The following FBXO40 variants were observed in gnomAD, a reference collection of about 807,000 sequenced individuals.
The protein encoded by FBXO40 is F-box protein 40.
FBXO40 carries 50 observed loss-of-function variants against 49.9 expected under a neutral mutation model. The ratio of observed to expected loss-of-function variants is 1.00; its 90% CI spans 0.80 to 1.27. FBXO40 has a LOEUF of 1.27. Among genes scored for constraint, FBXO40 ranks in the 50% most tolerant of loss-of-function variants. FBXO40 has a pLI of 0.00. For synonymous variants in FBXO40, 340 were observed against 320.2 expected (o/e 1.06, Z -0.66); for missense variants, 895 against 870.1 (o/e 1.03, Z -0.36).
intron 1 of FBXO40, among the ~76,000 whole-genome samples, chr3:121,608,990 TA>T: frequency 6.6e-6 from 1 of 152,326 alleles, no homozygotes; most frequent in Middle Eastern, 3.4e-3. Flanking sequence ...CAAAGCGTTT[TA>T]AATCTGTCCT....
intron 2 of FBXO40, 66 bp from the exon 3 acceptor site, chr3:121,621,367 T>C: frequency 7.1e-7 from 1 of 1,399,290 alleles, no homozygotes; most frequent in Non-Finnish European, 9.9e-7. Flanking sequence ...AACACAGTCA[T>C]AGACATGCAT....
At chr3:121,597,658 CCTTTT>C (rs2048879133) in intron 1 of FBXO40, among the ~76,000 whole-genome samples, 1 of 127,820 alleles carries the variant, frequency 7.8e-6, no homozygotes, top group Non-Finnish European at 1.6e-5. Context: ...TTATAGGCCC[CCTTTT>C]TTTTTTTTTT....
chr3:121,614,618 T>C (rs80042176), intron 1 of FBXO40, among the ~76,000 whole-genome samples: 2,745 of 152,192 alleles, frequency 0.018, 72 homozygotes, highest in African/African-American at 0.055. Flanking sequence ...AAACATCTCA[T>C]AGGGCCAAAT....
At chr3:121,610,146 G>A (rs928187548) in intron 1 of FBXO40, among the ~76,000 whole-genome samples, 11 of 152,180 alleles carry the variant, frequency 7.2e-5, no homozygotes, top group Admixed American at 3.3e-4. Flanking sequence ...ACAGTGGCTC[G>A]GAGGCCCAGA....
rs367601794 is a variant in FBXO40 at position 121,620,541 on chromosome 3, C to T, written c.-30-5C>T. 3.3e-5 allele frequency: 54 copies of T among 1,613,660 alleles called. No individual in the cohort carries two copies. Among genetic ancestry groups the T allele is most frequent in the Admixed American group, 3.0e-4 (18 of 60,012 alleles). On this transcript the variant is annotated splice_polypyrimidine_tract_variant and splice_region_variant and intron_variant, in intron 1 of 3. Coordinates refer to ENST00000338040, the MANE Select transcript of FBXO40 (RefSeq NM_016298.4). Reference sequence around the variant, plus strand: ...CTAATTATTTATATTCATATTTTCCCGTAGAGCTAAGAAGCAAGAAGAAAT... The same window carrying T: ...CTAATTATTTATATTCATATTTTCCTGTAGAGCTAAGAAGCAAGAAGAAAT...
chr3:121,599,726 T>A (rs28637027), intron 1 of FBXO40, among the ~76,000 whole-genome samples: 2,193 of 24,368 alleles, frequency 0.09, 60 homozygotes, highest in African/African-American at 0.17. Context: ...ATATATATAT[T>A]TTTTTTTTTT....
chr3:121,617,750 A>C (rs1029705200), intron 1 of FBXO40, among the ~76,000 whole-genome samples: 2 of 152,200 alleles, frequency 1.3e-5, no homozygotes, highest in African/African-American at 2.4e-5. Context: ...CTGTAATCTC[A>C]GCACTTTTGG....
intron 1 of FBXO40, among the ~76,000 whole-genome samples, chr3:121,599,680 A>G (rs1241131765): frequency 1.0e-4 from 7 of 67,498 alleles, no homozygotes; most frequent in African/African-American, 3.1e-4. Context: ...ACATGCACAC[A>G]CACACACACA....
At position 121,621,921 on chromosome 3, in the gene FBXO40, C is replaced by T. The variant is rs759230547; in HGVS notation, c.492C>T (p.Thr164=). 1 of 1,614,028 alleles carries T rather than the reference C, an allele frequency of 6.2e-7. No individual in the cohort carries two copies. The highest frequency in any genetic ancestry group is 1.7e-5 in the Admixed American group (1 of 60,002). Residue 164 remains threonine (T), a synonymous_variant, in exon 3 of 4, where the codon ACC becomes ACT. Transcript: ENST00000338040. ...TEEEPTMNGE[T]SVEEMGGAVG... is the part of the protein sequence containing the mutation. ...AGGAACCAACTATGAATGGTGAAAC[C>T]AGTGTGGAGGAAATGGGAGGAGCAG...
At chr3:121,598,499 A>G (rs2048884475) in intron 1 of FBXO40, among the ~76,000 whole-genome samples, 1 of 152,202 alleles carries the variant, frequency 6.6e-6, no homozygotes, top group Non-Finnish European at 1.5e-5. Flanking sequence ...TACTACAAAG[A>G]TTCATACAGA....
Position 121,622,212 on chromosome 3 carries a change from G to C in FBXO40, c.783G>C (p.Glu261Asp), listed in dbSNP as rs768432931. The C allele has an allele frequency of 2.5e-6, 4 of 1,613,990 alleles. No homozygotes were observed. The Admixed American group carries it at 5.0e-5, about 20-fold the overall frequency. Residue 261 changes from glutamate to aspartate, a missense_variant, in exon 3 of 4, where the codon GAG becomes GAC. By Grantham distance (45) the Glu-to-Asp change is conservative. Transcript: ENST00000338040. Reference protein sequence around the residue: ...ISSGHNMVEGEGAPKKKEPQE... With the variant: ...ISSGHNMVEGDGAPKKKEPQE... ...GTGGCCATAACATGGTAGAAGGAGA[G>C]GGCGCTCCCAAAAAGAAAGAACCAC...
chr3:121,599,705 C>CACACACAT (rs1214125029), intron 1 of FBXO40, among the ~76,000 whole-genome samples: 1 of 59,530 alleles, frequency 1.7e-5, no homozygotes, highest in African/African-American at 6.1e-5. Context: ...CACACACACA[C>CACACACAT]ATATATATAT....
intron 2 of FBXO40, 133 bp downstream of exon 2, chr3:121,620,711 A>G (rs982746095): frequency 8.2e-6 from 9 of 1,097,764 alleles, no homozygotes; most frequent in Middle Eastern, 4.0e-4. Context: ...TCCAAACTAG[A>G]GATGCTGAAC....
In FBXO40 at chr3:121,622,829, G is replaced by A. The variant is rs774979444; in HGVS notation, c.1400G>A (p.Arg467Lys). 4 of 1,614,204 alleles carry A rather than the reference G, an allele frequency of 2.5e-6. No homozygotes were observed. The highest frequency in any genetic ancestry group is 1.3e-5 in the African/African-American group (1 of 75,054). ...VELHSECVTR[R>K]HNKSSSAFTF... ...CTCCACAGCGAGTGTGTGACCAGGAGACACAACAAAAGCAGCTCTGCCTTC... is the reference window on the plus strand; with the variant it reads ...CTCCACAGCGAGTGTGTGACCAGGAAACACAACAAAAGCAGCTCTGCCTTC... The change falls in exon 3 of 4, where the codon AGA (arginine) becomes AAA (lysine). Residue 467 changes from arginine (R) to lysine (K), a missense_variant. Transcript: ENST00000338040.
chr3:121,620,911 A>G (rs996127406), intron 2 of FBXO40, among the ~76,000 whole-genome samples: 2 of 152,246 alleles, frequency 1.3e-5, no homozygotes, highest in Non-Finnish European at 2.9e-5. Context: ...TGCTAGGGAC[A>G]TAAATGCGAG....
intron 1 of FBXO40, among the ~76,000 whole-genome samples, chr3:121,596,260 G>A (rs559905949): frequency 2.5e-4 from 38 of 152,114 alleles, no homozygotes; most frequent in Non-Finnish European, 5.4e-4. Context: ...GTAGCTTTGT[G>A]TGGTGCTGTG....
intron 1 of FBXO40, among the ~76,000 whole-genome samples, chr3:121,608,932 A>G (rs1161909176): frequency 1.3e-5 from 2 of 152,218 alleles, no homozygotes; most frequent in Non-Finnish European, 2.9e-5. Flanking sequence ...GCAGAGCCCA[A>G]TTTCGCTTTG....
intron 1 of FBXO40, among the ~76,000 whole-genome samples, chr3:121,608,908 T>C (rs1425417411): frequency 6.6e-6 from 1 of 152,230 alleles, no homozygotes; most frequent in Non-Finnish European, 1.5e-5. Flanking sequence ...AAGTTGGGGA[T>C]TCCTAAGGCT....
In FBXO40 at chr3:121,620,618, G is replaced by A; in HGVS notation, c.3+40G>A. On this transcript the variant is annotated intron_variant, in intron 2 of 3. Coordinates refer to ENST00000338040, the MANE Select transcript of FBXO40 (RefSeq NM_016298.4). ...CTTATTGAAGCTTCACCATTGAGAG[G>A]TCCAGGTCTTCCTTCATTTATCCTG... The A allele has an allele frequency of 3.1e-6, 5 of 1,613,626 alleles. 1 individual carries two copies. The highest frequency in any genetic ancestry group is 1.7e-5 in the Admixed American group (1 of 60,006).
Sources: gnomAD v4.1 joint callset for allele counts (sites outside exome capture counted in the v4.1 genomes callset) on GRCh38, gnomAD v4.1.1 for gene constraint, MANE v1.5 for transcripts, NCBI Gene and HGNC (gene_info 2026-07-23, HGNC 2026-07-21) for gene names.